Variants in GLO1 observed in about 807,000 individuals in gnomAD.
The protein encoded by GLO1 is lactoylglutathione lyase.
In GLO1, 28 loss-of-function variants were observed where a neutral mutation model predicts 26.0. The ratio of observed to expected loss-of-function variants is 1.08; its 90% CI spans 0.80 to 1.48. GLO1 has a LOEUF of 1.48. GLO1 is among the 40% of genes most tolerant of loss of function. GLO1 has a pLI of 0.00. For missense variants in GLO1, 225 were observed against 224.8 expected (o/e 1.00, Z -0.01); for synonymous variants, 78 against 77.6 (o/e 1.00, Z -0.03).
intron 4 of GLO1, 139 bp from the exon 5 acceptor site, chr6:38,682,240 A>C (rs550697059): frequency 1.3e-5 from 8 of 628,926 alleles, no homozygotes; most frequent in Non-Finnish European, 2.3e-5. Flanking sequence ...TAGGTTCAAA[A>C]TCTATAATAC....
chr6:38,676,258 T>A lies in GLO1; in HGVS notation c.*1037A>T, dbSNP rs1761237655. 1 of 152,152 alleles carries A rather than the reference T, an allele frequency of 6.6e-6. No homozygotes were observed. Among genetic ancestry groups the A allele is most frequent in the Non-Finnish European group, 1.5e-5 (1 of 67,998 alleles). 9.4% of individuals were successfully genotyped at this position (152,152 alleles called of 1,614,324 possible). A position where few individuals can be genotyped will look rare whatever the true frequency, so the allele number is the denominator to read the frequency against. On this transcript the variant is annotated 3_prime_UTR_variant, in exon 6 of 6. Coordinates refer to ENST00000373365, the MANE Select transcript of GLO1 (RefSeq NM_006708.3). ...CTGATAACTAAGTTATCACTGAACA[T>A]AATTTATCATATATGGCTACTGGCA...
At chr6:38,690,066 G>A (rs892783745) in intron 1 of GLO1, among the ~76,000 whole-genome samples, 12 of 151,968 alleles carry the variant, frequency 7.9e-5, no homozygotes, top group African/African-American at 2.7e-4. Flanking sequence ...CTCGTGATCC[G>A]CCTGCCTTGG....
chr6:38,700,248 C>CAT (rs1333415653), intron 1 of GLO1, among the ~76,000 whole-genome samples: 36 of 152,222 alleles, frequency 2.4e-4, no homozygotes, highest in Non-Finnish European at 4.4e-4. Context: ...ATGTTTCCTT[C>CAT]ATCAGAATGC....
At chr6:38,685,470 A>G (rs1761449615) in intron 2 of GLO1, among the ~76,000 whole-genome samples, 2 of 152,232 alleles carry the variant, frequency 1.3e-5, no homozygotes, top group Admixed American at 1.3e-4. Flanking sequence ...TTATTCAAAG[A>G]TGACTTTGTT....
At chr6:38,695,444 C>T (rs1055518963) in intron 1 of GLO1, among the ~76,000 whole-genome samples, 2 of 152,078 alleles carry the variant, frequency 1.3e-5, no homozygotes, top group Admixed American at 1.3e-4. Flanking sequence ...TTAGTTTGAA[C>T]AAGGTACAGA....
At chr6:38,699,699 T>C (rs1419450766) in intron 1 of GLO1, among the ~76,000 whole-genome samples, 1 of 152,070 alleles carries the variant, frequency 6.6e-6, no homozygotes, top group Non-Finnish European at 1.5e-5. Flanking sequence ...TACGCCCTCG[T>C]CTCCTGCAGT....
chr6:38,680,749 G>C (rs138123044), intron 5 of GLO1, among the ~76,000 whole-genome samples: 1 of 152,022 alleles, frequency 6.6e-6, no homozygotes, highest in Non-Finnish European at 1.5e-5. Flanking sequence ...CAATTAGCTG[G>C]GTGTGGTGGC....
chr6:38,688,389 C>T (rs540804997), intron 1 of GLO1, among the ~76,000 whole-genome samples: 1 of 151,606 alleles, frequency 6.6e-6, no homozygotes, highest in South Asian at 2.1e-4. Context: ...TATAAAGTCA[C>T]TCTGTGGCTG....
chr6:38,688,162 A>T (rs1055652990), intron 1 of GLO1, among the ~76,000 whole-genome samples: 4 of 152,210 alleles, frequency 2.6e-5, no homozygotes, highest in African/African-American at 9.6e-5. Context: ...ACTGATCTTA[A>T]TAAATATAAT....
intron 2 of GLO1, among the ~76,000 whole-genome samples, chr6:38,686,594 T>G (rs1345999305): frequency 6.6e-6 from 1 of 152,186 alleles, no homozygotes; most frequent in Non-Finnish European, 1.5e-5. Context: ...AGGCTAAAAG[T>G]GGCCAGAACA....
chr6:38,701,334 T>C (rs1319205801), intron 1 of GLO1, among the ~76,000 whole-genome samples: 1 of 152,180 alleles, frequency 6.6e-6, no homozygotes, highest in Non-Finnish European at 1.5e-5. Flanking sequence ...ACTCAATATA[T>C]ACCAGCTATT....
intron 1 of GLO1, among the ~76,000 whole-genome samples, chr6:38,699,471 G>A (rs1757778524): frequency 6.6e-6 from 1 of 152,080 alleles, no homozygotes; most frequent in Non-Finnish European, 1.5e-5. Context: ...ACAACCATAA[G>A]GTCTGACTGC....
chr6:38,703,113 A>G lies in GLO1; in HGVS notation c.-59T>C. 2 of 991,672 alleles carry G rather than the reference A, an allele frequency of 2.0e-6. No homozygotes were observed. 61.4% of individuals were successfully genotyped at this position (991,672 alleles called of 1,614,324 possible). A position where few individuals can be genotyped will look rare whatever the true frequency, so the allele number is the denominator to read the frequency against. On this transcript the variant is annotated 5_prime_UTR_variant, in exon 1 of 6. Transcript: ENST00000373365. ...AAGGAACGGAGGAGTCACCCACACT[A>G]CGCCTCGGCCCTGTGCCGCCTTAAC...
chr6:38,678,694 A>G (rs1761315328), intron 5 of GLO1, among the ~76,000 whole-genome samples: 1 of 152,168 alleles, frequency 6.6e-6, no homozygotes, highest in South Asian at 2.1e-4. Context: ...CTTGTGAGAA[A>G]CTGAGAAAAA....
intron 1 of GLO1, among the ~76,000 whole-genome samples, chr6:38,690,568 T>A (rs1004091078): frequency 6.6e-6 from 1 of 152,208 alleles, no homozygotes; most frequent in African/African-American, 2.4e-5. Context: ...CACACATGCA[T>A]ATGAAAACAA....
At chr6:38,680,895 A>G (rs1761362570) in intron 5 of GLO1, among the ~76,000 whole-genome samples, 1 of 152,182 alleles carries the variant, frequency 6.6e-6, no homozygotes, top group Non-Finnish European at 1.5e-5. Flanking sequence ...ATCCTGTCTC[A>G]AAGGAGACAC....
chr6:38,683,752 TGGC>T (rs1414685089), intron 3 of GLO1, among the ~76,000 whole-genome samples: 1 of 151,884 alleles, frequency 6.6e-6, no homozygotes, highest in Non-Finnish European at 1.5e-5. Context: ...CTGGGCGTAG[TGGC>T]GGGCGCCTGT....
chr6:38,689,932 C>T (rs530896526), intron 1 of GLO1, among the ~76,000 whole-genome samples: 11 of 152,138 alleles, frequency 7.2e-5, no homozygotes, highest in Admixed American at 2.0e-4. Flanking sequence ...TCAAGCGATT[C>T]TCCTGCCTCA....
At chr6:38,695,980 C>A (rs995968948) in intron 1 of GLO1, among the ~76,000 whole-genome samples, 1 of 152,160 alleles carries the variant, frequency 6.6e-6, no homozygotes, top group African/African-American at 2.4e-5. Flanking sequence ...GGTCCCTAGC[C>A]AGTCTACCTT....
Sources: gnomAD v4.1 joint callset for allele counts (sites outside exome capture counted in the v4.1 genomes callset) on GRCh38, gnomAD v4.1.1 for gene constraint, MANE v1.5 for transcripts, NCBI Gene and HGNC (gene_info 2026-07-23, HGNC 2026-07-21) for gene names.